PALM2AKAP2: variants seen among roughly 807,000 people sequenced by gnomAD.
PALM2AKAP2 encodes PALM2 and AKAP2 fusion, also known as PALM2-AKAP2 fusion protein.
In PALM2AKAP2, 37 loss-of-function variants were observed where a neutral mutation model predicts 71.5. That is an observed-to-expected ratio of 0.52 (90% CI 0.40 to 0.68). PALM2AKAP2 has a LOEUF of 0.68. Ranked by LOEUF, PALM2AKAP2 falls within the 30% of genes least tolerant of loss-of-function variation. The pLI, the probability that PALM2AKAP2 is intolerant of heterozygous loss-of-function variation, is 0.00. For synonymous variants in PALM2AKAP2, 468 were observed against 478.8 expected (o/e 0.98, Z 0.29); for missense variants, 1,224 against 1,191.8 (o/e 1.03, Z -0.40).
chr9:110,110,078 C>T (rs1835211416), intron 1 of PALM2AKAP2, among the ~76,000 whole-genome samples: 1 of 152,048 alleles, frequency 6.6e-6, no homozygotes, highest in Admixed American at 6.6e-5. Context: ...TTGAAAGTTG[C>T]TAAGAGGGTA....
chr9:109,788,496 G>A (rs1827024772), intron 1 of PALM2AKAP2, among the ~76,000 whole-genome samples: 2 of 152,338 alleles, frequency 1.3e-5, no homozygotes, highest in East Asian at 3.9e-4. Flanking sequence ...CACACTCCCA[G>A]AGTGTCTAAT....
At chr9:110,132,403 C>T (rs1457744627) in intron 1 of PALM2AKAP2, among the ~76,000 whole-genome samples, 1 of 151,966 alleles carries the variant, frequency 6.6e-6, no homozygotes, top group Non-Finnish European at 1.5e-5. Context: ...CTTCCTCACC[C>T]AGGCTGGAAT....
At chr9:109,677,121 T>C (rs1334966863) in intron 1 of PALM2AKAP2, among the ~76,000 whole-genome samples, 1 of 152,124 alleles carries the variant, frequency 6.6e-6, no homozygotes, top group Non-Finnish European at 1.5e-5. Context: ...TTATTGTTTG[T>C]GAGAAAGACT....
intron 1 of PALM2AKAP2, among the ~76,000 whole-genome samples, chr9:109,727,732 CGTAGTTAAT>C (rs370444338): frequency 6.0e-4 from 92 of 152,238 alleles, no homozygotes; most frequent in African/African-American, 2.1e-3. Flanking sequence ...TTTCATGCAC[CGTAGTTAAT>C]GTTTAAATGT....
chr9:109,966,581 T>G (rs964843380), intron 6 of PALM2AKAP2, among the ~76,000 whole-genome samples: 2 of 152,274 alleles, frequency 1.3e-5, no homozygotes, highest in East Asian at 1.9e-4. Context: ...AGTCAATATT[T>G]GTAAAGATCT....
intron 1 of PALM2AKAP2, among the ~76,000 whole-genome samples, chr9:109,757,195 A>G (rs1828977116): frequency 6.6e-6 from 1 of 152,066 alleles, no homozygotes. Context: ...TTTAGCTCCC[A>G]CGTATGAGTG....
At chr9:110,097,559 G>A (rs564478450) in intron 1 of PALM2AKAP2, among the ~76,000 whole-genome samples, 126 of 150,740 alleles carry the variant, frequency 8.4e-4, no homozygotes, top group African/African-American at 3.0e-3. Context: ...CATCTCAGGC[G>A]ATGGGTGGCC....
intron 6 of PALM2AKAP2, among the ~76,000 whole-genome samples, chr9:109,977,679 C>A (rs1832194981): frequency 6.6e-6 from 1 of 152,172 alleles, no homozygotes; most frequent in South Asian, 2.1e-4. Context: ...ACATACATAT[C>A]CTGATCACAG....
chr9:109,864,574 A>T (rs968209166), intron 1 of PALM2AKAP2, among the ~76,000 whole-genome samples: 6 of 152,212 alleles, frequency 3.9e-5, no homozygotes, highest in African/African-American at 1.4e-4. Flanking sequence ...CAGGTCAGCA[A>T]ACTAGGACCC....
chr9:109,904,846 T>A (rs921567924), intron 3 of PALM2AKAP2, among the ~76,000 whole-genome samples: 2 of 152,244 alleles, frequency 1.3e-5, no homozygotes, highest in African/African-American at 4.8e-5. Flanking sequence ...GACAGAGGGC[T>A]TTAATTAAAA....
intron 1 of PALM2AKAP2, among the ~76,000 whole-genome samples, chr9:109,718,750 C>A (rs1239734746): frequency 6.6e-6 from 1 of 152,056 alleles, no homozygotes; most frequent in African/African-American, 2.4e-5. Context: ...TTCTAAATGC[C>A]CAGGCTTTCA....
intron 1 of PALM2AKAP2, among the ~76,000 whole-genome samples, chr9:110,082,797 T>C (rs1399909898): frequency 1.3e-5 from 2 of 152,252 alleles, no homozygotes; most frequent in South Asian, 2.1e-4. Flanking sequence ...CCAACATTTT[T>C]GTCCAGAACT....
At chr9:109,692,872 A>C (rs1827918666) in intron 1 of PALM2AKAP2, among the ~76,000 whole-genome samples, 1 of 151,856 alleles carries the variant, frequency 6.6e-6, no homozygotes, top group African/African-American at 2.4e-5. Flanking sequence ...CTATGTGCAC[A>C]AGGAATATTG....
At chr9:109,962,846 G>T (rs1206456339) in intron 6 of PALM2AKAP2, among the ~76,000 whole-genome samples, 1 of 152,178 alleles carries the variant, frequency 6.6e-6, no homozygotes, top group Admixed American at 6.5e-5. Flanking sequence ...TTTTTGCCAT[G>T]TTGGCCAGGC....
intron 1 of PALM2AKAP2, among the ~76,000 whole-genome samples, chr9:109,693,372 G>C (rs963479754): frequency 4.6e-5 from 7 of 151,854 alleles, no homozygotes; most frequent in Admixed American, 1.3e-4. Flanking sequence ...AGTCTACCTA[G>C]TGTTTTATCA....
At position 110,025,219 on chromosome 9, in the gene PALM2AKAP2, G is replaced by T. The variant is rs1833154175; in HGVS notation, c.582+9180G>T. The stretch of plus-strand genomic sequence containing the variant: ...CTTGTGGGGCATTCCTTTTTGAACA[G>T]TACCCATTCCCTTGATGTCTACAAT... On this transcript the variant is annotated intron_variant, in intron 7 of 9. Coordinates refer to the PALM2AKAP2 transcript ENST00000302798. 7 of 1,213,360 alleles carry T rather than the reference G, an allele frequency of 5.8e-6. No homozygotes were observed. In the Admixed American group the frequency reaches 1.0e-4, roughly 17 times the overall value. 75.2% of individuals were successfully genotyped at this position (1,213,360 alleles called of 1,614,324 possible).
intron 1 of PALM2AKAP2, among the ~76,000 whole-genome samples, chr9:110,103,061 C>T (rs904899016): frequency 1.3e-5 from 2 of 152,120 alleles, no homozygotes; most frequent in Non-Finnish European, 2.9e-5. Context: ...AGTTCACTTC[C>T]CAGATTTCAG....
intron 1 of PALM2AKAP2, among the ~76,000 whole-genome samples, chr9:109,825,414 G>T (rs938204564): frequency 1.3e-5 from 2 of 152,308 alleles, no homozygotes; most frequent in East Asian, 3.9e-4. Context: ...ACTACTATCA[G>T]AGTGAACAGG....
chr9:110,161,107 C>T (rs1341980508), intron 3 of PALM2AKAP2, among the ~76,000 whole-genome samples: 5 of 152,172 alleles, frequency 3.3e-5, no homozygotes, highest in East Asian at 1.9e-4. Context: ...CTCTCTCTTA[C>T]GTTCTCACTC....
Sources: gnomAD v4.1 joint callset for allele counts (sites outside exome capture counted in the v4.1 genomes callset) on GRCh38, gnomAD v4.1.1 for gene constraint, MANE v1.5 for transcripts, NCBI Gene and HGNC (gene_info 2026-07-23, HGNC 2026-07-21) for gene names.